Variants in CHD6 observed in about 807,000 individuals in gnomAD.
The protein encoded by CHD6 is chromodomain helicase DNA binding protein 6.
Under a neutral mutation model 276.9 loss-of-function variants are expected in CHD6, and 50 were observed. The ratio of observed to expected loss-of-function variants is 0.18; its 90% CI spans 0.14 to 0.23. The LOEUF is 0.23. Among genes scored for constraint, CHD6 ranks in the 10% least tolerant of loss-of-function variants. The probability of loss-of-function intolerance (pLI) is 1.00; values close to 1 mark genes in which losing one functional copy is unlikely to be tolerated. For synonymous variants in CHD6, 1,173 were observed against 1,229.3 expected, an observed-to-expected ratio of 0.95 and a Z score of 0.96; for missense variants, 2,564 against 3,365.8, an observed-to-expected ratio of 0.76 and a Z score of 5.89.
chr20:41,512,281 T>C (rs1200844919), intron 5 of CHD6, among the ~76,000 whole-genome samples: 3 of 152,030 alleles, frequency 2.0e-5, no homozygotes, highest in Non-Finnish European at 4.4e-5. Flanking sequence ...TTTCACATTT[T>C]AATGAGAGAC....
intron 2 of CHD6, among the ~76,000 whole-genome samples, chr20:41,540,823 CTA>C (rs2044927257): frequency 6.6e-6 from 1 of 152,028 alleles, no homozygotes; most frequent in Admixed American, 6.6e-5. Context: ...TTGCAACCTT[CTA>C]TGTTTTTTTA....
At chr20:41,453,251 G>A (rs1424810250) in intron 20 of CHD6, among the ~76,000 whole-genome samples, 1 of 152,138 alleles carries the variant, frequency 6.6e-6, no homozygotes, top group East Asian at 1.9e-4. Context: ...AAGTGGTGTC[G>A]GCTCTAGCCA....
chr20:41,409,742 T>C (rs1316545522), intron 36 of CHD6, among the ~76,000 whole-genome samples: 2 of 152,232 alleles, frequency 1.3e-5, no homozygotes, highest in Non-Finnish European at 2.9e-5. Flanking sequence ...ATTATTAATA[T>C]GCATGTGTAA....
rs756401605 is a variant in CHD6, at chr20:41,415,460, GAGC to G, written c.6662_6664del (p.Cys2221del). On this transcript the variant is annotated inframe_deletion, in exon 34 of 37. Transcript: ENST00000373233. ...TGTGGCTCCTGGGGACCCCTCTGAT[GAGC>G]AGGAGAGGTCCATAGCTGACTCCCC... 10 of 1,612,906 alleles carry G rather than the reference GAGC, an allele frequency of 6.2e-6. 1 individual carries two copies. In the South Asian group the frequency reaches 1.1e-4, roughly 18 times the overall value.
chr20:41,617,378 TAC>T (rs896448233), intron 1 of CHD6, among the ~76,000 whole-genome samples: 3 of 152,188 alleles, frequency 2.0e-5, no homozygotes, highest in Non-Finnish European at 4.4e-5. Context: ...ATACTTTATG[TAC>T]ACAAATATAA....
At position 41,413,533 on chromosome 20, in the gene CHD6, G is replaced by T; in HGVS notation, c.6940-18C>A. On this transcript the variant is annotated intron_variant, in intron 34 of 36. Coordinates refer to ENST00000373233, the MANE Select transcript of CHD6 (RefSeq NM_032221.5). ...TGGACTTCCTGGATGAAGGAAAAAC[G>T]AGTATGTATAATCACGACACAATGA... is the stretch of plus-strand genomic sequence containing the variant. 1 of 1,509,310 alleles carries T rather than the reference G, an allele frequency of 6.6e-7. No individual in the cohort carries two copies. The highest frequency in any genetic ancestry group is 1.3e-5 in the South Asian group (1 of 78,386). 93.5% of individuals were successfully genotyped at this position (1,509,310 alleles called of 1,614,324 possible). A position where few individuals can be genotyped will look rare whatever the true frequency, so the allele number is the denominator to read the frequency against.
chr20:41,537,545 G>A (rs953314024), intron 2 of CHD6, among the ~76,000 whole-genome samples: 4 of 152,166 alleles, frequency 2.6e-5, no homozygotes, highest in Non-Finnish European at 4.4e-5. Context: ...TGAGGAAGAA[G>A]TGCATAAAGA....
intron 8 of CHD6, chr20:41,496,738 C>G (rs2043695964): frequency 6.6e-6 from 1 of 152,284 alleles, no homozygotes; most frequent in African/African-American, 2.4e-5. Context: ...TATCCCAGCA[C>G]AGTTTCCTCT....
chr20:41,508,578 A>G (rs1490702317), intron 5 of CHD6, among the ~76,000 whole-genome samples: 1 of 152,152 alleles, frequency 6.6e-6, no homozygotes, highest in Non-Finnish European at 1.5e-5. Context: ...CAAATACAGG[A>G]AACAACCTAA....
intron 17 of CHD6, among the ~76,000 whole-genome samples, chr20:41,458,553 C>T (rs6016561): frequency 0.33 from 49,805 of 151,920 alleles, 8,626 homozygotes; most frequent in African/African-American, 0.44. Context: ...AGTATGAACT[C>T]ATGGTTAGGT....
chr20:41,590,253 TA>T (rs1254103902), intron 1 of CHD6, among the ~76,000 whole-genome samples: 1 of 152,064 alleles, frequency 6.6e-6, no homozygotes, highest in African/African-American at 2.4e-5. Context: ...CCTAAAACCA[TA>T]AAAACGCTAG....
chr20:41,595,143 G>A (rs2045705051), intron 1 of CHD6, among the ~76,000 whole-genome samples: 1 of 152,182 alleles, frequency 6.6e-6, no homozygotes, highest in African/African-American at 2.4e-5. Flanking sequence ...CCCACCTGGT[G>A]TGACGAATAA....
In CHD6 at chr20:41,483,531, TG is replaced by T. The variant is rs1279752801; in HGVS notation, c.2258-13del. 6.3e-7 allele frequency: 1 copy of T among 1,589,258 alleles called. No individual in the cohort carries two copies. Among genetic ancestry groups the T allele is most frequent in the Non-Finnish European group, 8.6e-7 (1 of 1,161,560 alleles). ...TTTCTCCTCTGCTCCTGAAAAGGAA[TG>T]GAACAAAACTATTCCTCGGACAGAA... On this transcript the variant is annotated splice_polypyrimidine_tract_variant and intron_variant, in intron 15 of 36. Coordinates refer to ENST00000373233, the MANE Select transcript of CHD6 (RefSeq NM_032221.5).
chr20:41,463,107 A>T (rs1049713695), intron 17 of CHD6, among the ~76,000 whole-genome samples: 1 of 152,250 alleles, frequency 6.6e-6, no homozygotes, highest in Non-Finnish European at 1.5e-5. Flanking sequence ...GGCTAAGTCT[A>T]GAACTATATG....
intron 16 of CHD6, among the ~76,000 whole-genome samples, chr20:41,474,368 C>A (rs189607985): frequency 5.1e-4 from 77 of 152,218 alleles, no homozygotes; most frequent in Non-Finnish European, 1.0e-3. Context: ...ACAGAAGAGA[C>A]CTTTACGTTG....
At chr20:41,423,259 T>C (rs1199847576) in intron 30 of CHD6, among the ~76,000 whole-genome samples, 1 of 152,240 alleles carries the variant, frequency 6.6e-6, no homozygotes, top group Non-Finnish European at 1.5e-5. Context: ...ATTTCTGTGA[T>C]GTTTTAAGCT....
intron 1 of CHD6, among the ~76,000 whole-genome samples, chr20:41,615,349 CAAA>C (rs11379388): frequency 3.0e-4 from 37 of 124,346 alleles, no homozygotes; most frequent in Non-Finnish European, 4.9e-4. Flanking sequence ...CATTCCATTG[CAAA>C]AAAAAAAAAA....
chr20:41,554,019 T>G (rs2045184435), intron 1 of CHD6, among the ~76,000 whole-genome samples: 1 of 152,052 alleles, frequency 6.6e-6, no homozygotes, highest in Admixed American at 6.5e-5. Flanking sequence ...GTGTGGTGGC[T>G]TCCACCTATG....
chr20:41,597,072 C>A (rs531348187), intron 1 of CHD6, among the ~76,000 whole-genome samples: 2 of 152,208 alleles, frequency 1.3e-5, no homozygotes, highest in African/African-American at 4.8e-5. Flanking sequence ...AACTTAAAAA[C>A]AGGGAGAGAA....
Sources: allele counts gnomAD v4.1 joint callset (sites outside exome capture counted in the v4.1 genomes callset), GRCh38; gene constraint gnomAD v4.1.1; transcripts MANE v1.5; gene names NCBI Gene and HGNC (gene_info 2026-07-23, HGNC 2026-07-21).